The following NAV2 variants were observed in gnomAD, a reference collection of about 807,000 sequenced individuals.
NAV2 encodes neuron navigator 2.
In NAV2, 54 loss-of-function variants were observed where a neutral mutation model predicts 223.2. The observed-to-expected ratio is 0.24, with a 90% confidence interval of 0.19 to 0.30. The LOEUF is 0.30. NAV2 is among the 10% of genes least tolerant of loss of function. NAV2 has a pLI of 1.00. For missense variants in NAV2, 2,806 were observed against 3,147.5 expected, an observed-to-expected ratio of 0.89 and a Z score of 2.60; for synonymous variants, 1,279 against 1,239.3, an observed-to-expected ratio of 1.03 and a Z score of -0.67.
In NAV2 at chr11:20,119,701, T is replaced by C. The variant is rs2063379222; in HGVS notation, c.*1443T>C. On this transcript the variant is annotated 3_prime_UTR_variant, in exon 38 of 38. Transcript: ENST00000349880. ...GCCTGGGGTTTGTTTTTTTTGTCAT[T>C]GTTTTCCCCATTGAAACAAACAGGG... is the stretch of plus-strand genomic sequence containing the variant. 1 of 152,592 alleles carries C rather than the reference T, an allele frequency of 6.6e-6. No individual in the cohort carries two copies. Among genetic ancestry groups the C allele is most frequent in the African/African-American group, 2.4e-5 (1 of 41,432 alleles). The allele number at this position is 152,592 out of a possible 1,614,324, so 9.5% of individuals were successfully genotyped here.
At chr11:19,403,440 A>C (rs2133331496) in intron 1 of NAV2, among the ~76,000 whole-genome samples, 1 of 152,290 alleles carries the variant, frequency 6.6e-6, no homozygotes, top group South Asian at 2.1e-4. Flanking sequence ...TTCCCAGAGA[A>C]GGGGGCTTTG....
At chr11:19,641,693 G>A (rs984511827) in intron 1 of NAV2, among the ~76,000 whole-genome samples, 7 of 151,606 alleles carry the variant, frequency 4.6e-5, no homozygotes, top group Admixed American at 1.3e-4. Flanking sequence ...CACAGTTCCC[G>A]CTGCTCTTCC....
At chr11:19,425,777 A>G (rs758629432) in intron 1 of NAV2, among the ~76,000 whole-genome samples, 1 of 152,222 alleles carries the variant, frequency 6.6e-6, no homozygotes, top group Non-Finnish European at 1.5e-5. Context: ...TAGGTAGAAT[A>G]TAAGACTCAT....
At position 20,104,137 on chromosome 11, in the gene NAV2, T is replaced by G. The variant is rs145950697; in HGVS notation, c.6644+413T>G. On this transcript the variant is annotated intron_variant, in intron 34 of 37. Coordinates refer to ENST00000349880, the MANE Select transcript of NAV2 (RefSeq NM_145117.5). Reference sequence around the variant, plus strand: ...GAGCAATGACAGCTTTTACCTAAAATGTCCCCACCTAGCTGGGTCTGTGGG... The same window carrying G: ...GAGCAATGACAGCTTTTACCTAAAAGGTCCCCACCTAGCTGGGTCTGTGGG... 1.9e-4 allele frequency: 37 copies of G among 199,960 alleles called. No homozygotes were observed. The East Asian group carries it at 4.5e-3, about 24-fold the overall frequency. The allele number at this position is 199,960 out of a possible 1,614,324, so 12.4% of individuals were successfully genotyped here. A position where few individuals can be genotyped will look rare whatever the true frequency, so the allele number is the denominator to read the frequency against.
rs1036249346 is a variant in NAV2, at chr11:19,553,761, C to A, written c.75+202734C>A. Among the ~76,000 whole-genome samples, 6 of 152,246 alleles carry A rather than the reference C, an allele frequency of 3.9e-5. No homozygotes were observed. In the East Asian group the frequency reaches 1.2e-3, roughly 29 times the overall value. ...CTGCTGCAGAGCAGGTCTGGCCATT[C>A]CCTTTCTGGGGAGACACACCACAGC... On this transcript the variant is annotated intron_variant, in intron 1 of 37. Coordinates refer to the NAV2 transcript ENST00000360655.
At chr11:20,025,350 A>C (rs1260545285) in intron 11 of NAV2, among the ~76,000 whole-genome samples, 1 of 152,228 alleles carries the variant, frequency 6.6e-6, no homozygotes, top group African/African-American at 2.4e-5. Context: ...TTTAGGGGAA[A>C]TATATCTTCT....
chr11:19,887,944 G>T (rs1203399203), intron 5 of NAV2, among the ~76,000 whole-genome samples: 8 of 80,950 alleles, frequency 9.9e-5, no homozygotes, highest in African/African-American at 3.0e-4. Flanking sequence ...TTGGGGGAAA[G>T]AACTGTTTTT....
intron 1 of NAV2, among the ~76,000 whole-genome samples, chr11:19,643,769 A>G (rs2047734054): frequency 6.6e-6 from 1 of 152,334 alleles, no homozygotes; most frequent in Admixed American, 6.5e-5. Flanking sequence ...GAACTAGTTT[A>G]CAGTCCCACC....
At chr11:19,950,059 A>G (rs898648043) in intron 10 of NAV2, among the ~76,000 whole-genome samples, 7 of 152,204 alleles carry the variant, frequency 4.6e-5, no homozygotes, top group African/African-American at 1.7e-4. Flanking sequence ...CTTAAGGTGC[A>G]GTGAGTTATT....
intron 1 of NAV2, among the ~76,000 whole-genome samples, chr11:19,749,626 G>T (rs1279911412): frequency 6.6e-6 from 1 of 152,094 alleles, no homozygotes; most frequent in East Asian, 1.9e-4. Context: ...ATGGAAATTC[G>T]GTTACGTTAC....
intron 1 of NAV2, among the ~76,000 whole-genome samples, chr11:19,722,697 A>G (rs2050851397): frequency 6.6e-6 from 1 of 152,224 alleles, no homozygotes; most frequent in Non-Finnish European, 1.5e-5. Context: ...GAGATAAAAG[A>G]AAGCATTGGA....
Position 20,118,350 on chromosome 11 carries a change from C to A in NAV2, c.*92C>A, listed in dbSNP as rs2063304374. ...CCTGAAGATGACTTCCTGAGCCAGC[C>A]CCCAGCCACAGCCTTAGAGCTGCGG... On this transcript the variant is annotated 3_prime_UTR_variant, in exon 38 of 38. Coordinates refer to ENST00000349880, the MANE Select transcript of NAV2 (RefSeq NM_145117.5). 14 of 1,456,126 alleles carry A rather than the reference C, an allele frequency of 9.6e-6. No individual in the cohort carries two copies. Among genetic ancestry groups the A allele is most frequent in the African/African-American group, 2.8e-5 (2 of 71,716 alleles). 90.2% of individuals were successfully genotyped at this position (1,456,126 alleles called of 1,614,324 possible). A position where few individuals can be genotyped will look rare whatever the true frequency, so the allele number is the denominator to read the frequency against.
At chr11:19,836,399 T>C (rs913208452) in intron 2 of NAV2, among the ~76,000 whole-genome samples, 47 of 150,862 alleles carry the variant, frequency 3.1e-4, no homozygotes, top group African/African-American at 1.1e-3. Context: ...CTACTAAAAA[T>C]ACAAAAAATT....
chr11:19,585,669 T>C (rs1483876450), intron 1 of NAV2, among the ~76,000 whole-genome samples: 1 of 152,248 alleles, frequency 6.6e-6, no homozygotes, highest in African/African-American at 2.4e-5. Flanking sequence ...AAATTCTGGG[T>C]TGAAAATTCT....
At chr11:19,754,736 A>G (rs1332313715) in intron 1 of NAV2, among the ~76,000 whole-genome samples, 2 of 152,202 alleles carry the variant, frequency 1.3e-5, no homozygotes, top group African/African-American at 2.4e-5. Context: ...AAATATTGGT[A>G]CCCAATTTAG....
At chr11:19,704,253 C>A (rs1055939982) in intron 1 of NAV2, among the ~76,000 whole-genome samples, 1 of 152,170 alleles carries the variant, frequency 6.6e-6, no homozygotes, top group African/African-American at 2.4e-5. Context: ...ACTACCAAAC[C>A]TTTCCACTCA....
At chr11:19,733,971 T>C (rs1359552226) in intron 1 of NAV2, among the ~76,000 whole-genome samples, 1 of 152,174 alleles carries the variant, frequency 6.6e-6, no homozygotes, top group African/African-American at 2.4e-5. Context: ...ACAACAATCT[T>C]ATAGGAAAGG....
Position 19,367,262 on chromosome 11 carries a change from A to G in NAV2, c.75+16235A>G, listed in dbSNP as rs144341109. Among the ~76,000 whole-genome samples, 427 of 152,294 alleles carry G rather than the reference A, an allele frequency of 2.8e-3. 4 individuals are homozygous for G. The highest frequency in any genetic ancestry group is 9.7e-3 in the African/African-American group (403 of 41,564). Reference sequence around the variant, plus strand: ...TCAGATTGGAGTTGCCTCTTCTGAGAAACCTTCTCTGCCTCCCACTTACCC... The same window carrying G: ...TCAGATTGGAGTTGCCTCTTCTGAGGAACCTTCTCTGCCTCCCACTTACCC... On this transcript the variant is annotated intron_variant, in intron 1 of 37. Coordinates refer to the NAV2 transcript ENST00000360655.
intron 1 of NAV2, among the ~76,000 whole-genome samples, chr11:19,595,340 C>G (rs528204503): frequency 7.9e-5 from 12 of 152,268 alleles, no homozygotes; most frequent in African/African-American, 2.6e-4. Context: ...CTGTATGGGG[C>G]TTTGAGATTG....
Sources: allele counts gnomAD v4.1 joint callset (sites outside exome capture counted in the v4.1 genomes callset), GRCh38; gene constraint gnomAD v4.1.1; transcripts MANE v1.5; gene names NCBI Gene and HGNC (gene_info 2026-07-23, HGNC 2026-07-21).